Variants in DLG2 observed in about 807,000 individuals in gnomAD.
DLG2 encodes discs large MAGUK scaffold protein 2.
In DLG2, 45 loss-of-function variants were observed where a neutral mutation model predicts 132.5. The ratio of observed to expected loss-of-function variants is 0.34; its 90% CI spans 0.27 to 0.44. The LOEUF (loss-of-function observed/expected upper bound fraction) is 0.44, where lower values mean the gene tolerates loss of function less well. Ranked by LOEUF, DLG2 falls within the 20% of genes least tolerant of loss-of-function variation. The pLI is 1.00. For synonymous variants in DLG2, 424 were observed against 419.6 expected, an observed-to-expected ratio of 1.01 and a Z score of -0.13; for missense variants, 1,045 against 1,196.9, an observed-to-expected ratio of 0.87 and a Z score of 1.87.
intron 3 of DLG2, among the ~76,000 whole-genome samples, chr11:85,402,496 C>G (rs1477861499): frequency 6.6e-6 from 1 of 152,066 alleles, no homozygotes; most frequent in Non-Finnish European, 1.5e-5. Context: ...CAAATGGGAT[C>G]TAATTAAACT....
At chr11:83,767,580 T>C (rs191579533) in intron 18 of DLG2, among the ~76,000 whole-genome samples, 4 of 152,350 alleles carry the variant, frequency 2.6e-5, no homozygotes, top group Admixed American at 2.6e-4. Flanking sequence ...ACTAATACTT[T>C]GCTGTGTGAT....
chr11:85,421,693 C>T (rs1300762460), intron 3 of DLG2, among the ~76,000 whole-genome samples: 1 of 151,914 alleles, frequency 6.6e-6, no homozygotes, highest in African/African-American at 2.4e-5. Flanking sequence ...GGTACCATTC[C>T]ATTCATCATG....
intron 4 of DLG2, among the ~76,000 whole-genome samples, chr11:85,195,088 A>T (rs925464053): frequency 2.0e-5 from 3 of 152,180 alleles, no homozygotes; most frequent in African/African-American, 7.2e-5. Flanking sequence ...AGAACAAGGG[A>T]CAGCATCTAA....
intron 6 of DLG2, among the ~76,000 whole-genome samples, chr11:84,933,153 T>A (rs2048299021): frequency 6.6e-6 from 1 of 152,178 alleles, no homozygotes; most frequent in African/African-American, 2.4e-5. Context: ...CACATAAATG[T>A]TTTTGTCAGC....
chr11:84,994,321 T>C (rs1421278473), intron 6 of DLG2, among the ~76,000 whole-genome samples: 3 of 152,186 alleles, frequency 2.0e-5, no homozygotes, highest in African/African-American at 7.2e-5. Context: ...GAATTGGTAC[T>C]TCAAGTGGGA....
rs550651133 is a variant in DLG2, at chr11:83,890,720, C to G, written c.1497-16232G>C. 3.3e-5 allele frequency among the ~76,000 whole-genome samples: 5 copies of G among 152,272 alleles called. No individual in the cohort carries two copies. The East Asian group carries it at 9.6e-4, about 29-fold the overall frequency. On this transcript the variant is annotated intron_variant, in intron 15 of 27. Coordinates refer to ENST00000376104, the MANE Select transcript of DLG2 (RefSeq NM_001142699.3). Reference sequence around the variant, plus strand: ...GTAAAAAAAGTTGCAAAGTATGAAGCATGGAAAATAGTAAATTGAAATTAC... The same window carrying G: ...GTAAAAAAAGTTGCAAAGTATGAAGGATGGAAAATAGTAAATTGAAATTAC...
intron 4 of DLG2, among the ~76,000 whole-genome samples, chr11:85,184,259 G>T (rs1053389622): frequency 5.9e-5 from 9 of 151,340 alleles, no homozygotes; most frequent in Admixed American, 4.0e-4. Flanking sequence ...GGAGTTAGCT[G>T]CATAAATTAA....
chr11:84,555,066 G>A (rs771741353), intron 6 of DLG2, among the ~76,000 whole-genome samples: 3 of 152,056 alleles, frequency 2.0e-5, no homozygotes, highest in Non-Finnish European at 2.9e-5. Flanking sequence ...GATTACATAC[G>A]GCCTTGTTAG....
intron 6 of DLG2, among the ~76,000 whole-genome samples, chr11:85,075,505 T>G (rs990495229): frequency 1.3e-5 from 2 of 151,866 alleles, no homozygotes; most frequent in Non-Finnish European, 2.9e-5. Context: ...TATGGCCAAA[T>G]AGATCTTGAA....
chr11:83,747,674 C>T (rs187584082), intron 18 of DLG2, among the ~76,000 whole-genome samples: 45 of 152,154 alleles, frequency 3.0e-4, no homozygotes, highest in African/African-American at 9.6e-4. Flanking sequence ...CATGAGCCAC[C>T]GCACCCGGTT....
intron 19 of DLG2, among the ~76,000 whole-genome samples, chr11:83,575,099 G>A (rs1190641578): frequency 6.6e-6 from 1 of 152,182 alleles, no homozygotes; most frequent in Non-Finnish European, 1.5e-5. Context: ...GTAGTGAGCA[G>A]CTTTCATCTT....
At chr11:85,587,595 A>C (rs1474028254) in intron 3 of DLG2, among the ~76,000 whole-genome samples, 1 of 152,158 alleles carries the variant, frequency 6.6e-6, no homozygotes, top group Non-Finnish European at 1.5e-5. Flanking sequence ...CTTATGCGTT[A>C]AGTGAATCTC....
chr11:83,851,627 C>CA (rs376147145), intron 16 of DLG2, among the ~76,000 whole-genome samples: 2,722 of 113,400 alleles, frequency 0.024, 63 homozygotes, highest in African/African-American at 0.067. Context: ...AACTCGGTCT[C>CA]AAAAAAAAAA....
At chr11:84,150,483 G>T (rs1039629072) in intron 9 of DLG2, among the ~76,000 whole-genome samples, 1 of 152,074 alleles carries the variant, frequency 6.6e-6, no homozygotes, top group Non-Finnish European at 1.5e-5. Context: ...AGTATTTAGG[G>T]TTTTGCTAGA....
intron 3 of DLG2, among the ~76,000 whole-genome samples, chr11:85,494,693 A>G (rs1038279364): frequency 1.3e-5 from 2 of 151,698 alleles, no homozygotes; most frequent in African/African-American, 4.9e-5. Context: ...AAAATGATAA[A>G]TTAGTATTTC....
chr11:84,211,217 A>G (rs1321531367), intron 8 of DLG2, among the ~76,000 whole-genome samples: 1 of 152,070 alleles, frequency 6.6e-6, no homozygotes, highest in East Asian at 1.9e-4. Context: ...TGGTGATACA[A>G]AAGTACTTTC....
rs188547268 is a variant in DLG2, at chr11:84,756,513, G to T, written c.358-221782C>A. 4.1e-4 allele frequency among the ~76,000 whole-genome samples: 62 copies of T among 152,238 alleles called. 1 individual carries two copies. In the East Asian group the frequency reaches 0.012, roughly 29 times the overall value. ...CATCTCTAGTTCTACCACTTTCTAG[G>T]TGTGTTCAATTGGGTAAATTGCTTA... is the stretch of plus-strand genomic sequence containing the variant. On this transcript the variant is annotated intron_variant, in intron 6 of 27. Transcript: ENST00000376104.
At chr11:84,693,450 G>C (rs1459043326) in intron 6 of DLG2, among the ~76,000 whole-genome samples, 3 of 151,684 alleles carry the variant, frequency 2.0e-5, no homozygotes, top group African/African-American at 7.3e-5. Context: ...AGGCCTAAGA[G>C]AGAATTCTAT....
intron 19 of DLG2, among the ~76,000 whole-genome samples, chr11:83,596,527 C>G (rs569563469): frequency 1.2e-4 from 19 of 152,320 alleles, no homozygotes; most frequent in Admixed American, 5.2e-4. Flanking sequence ...TTACCAACCT[C>G]TGGTCTCAGC....
Sources: allele counts gnomAD v4.1 joint callset (sites outside exome capture counted in the v4.1 genomes callset), GRCh38; gene constraint gnomAD v4.1.1; transcripts MANE v1.5; gene names NCBI Gene and HGNC (gene_info 2026-07-23, HGNC 2026-07-21).